The following LMTK2 variants were observed in gnomAD, a reference collection of about 807,000 sequenced individuals.
The protein encoded by LMTK2 is lemur tail kinase 2.
LMTK2 carries 37 observed loss-of-function variants against 127.5 expected under a neutral mutation model. The observed-to-expected ratio is 0.29, with a 90% CI of 0.22 to 0.38. The LOEUF is 0.38. LMTK2 is among the 10% of genes least tolerant of loss of function. The pLI is 1.00. For missense variants in LMTK2, 1,694 were observed against 1,920.3 expected, an observed-to-expected ratio of 0.88 and a Z score of 2.20; for synonymous variants, 819 against 810.1, an observed-to-expected ratio of 1.01 and a Z score of -0.19.
intron 7 of LMTK2, among the ~76,000 whole-genome samples, chr7:98,174,815 G>T (rs1274557220): frequency 2.0e-5 from 3 of 152,208 alleles, no homozygotes; most frequent in Non-Finnish European, 4.4e-5. Flanking sequence ...GTGAGAGGTA[G>T]AGAAATGCAT....
intron 1 of LMTK2, among the ~76,000 whole-genome samples, chr7:98,111,873 G>A (rs974234496): frequency 6.6e-6 from 1 of 152,222 alleles, no homozygotes; most frequent in Non-Finnish European, 1.5e-5. Context: ...TTAAGTCTAA[G>A]CTGGTATTGT....
At chr7:98,166,132 C>T (rs1401669294) in intron 6 of LMTK2, among the ~76,000 whole-genome samples, 1 of 152,248 alleles carries the variant, frequency 6.6e-6, no homozygotes, top group African/African-American at 2.4e-5. Context: ...CCCTTCCGGT[C>T]TTCCCTGGTG....
chr7:98,188,240 G>A (rs1797470372), intron 9 of LMTK2, among the ~76,000 whole-genome samples: 1 of 151,908 alleles, frequency 6.6e-6, no homozygotes, highest in South Asian at 2.1e-4. Context: ...GAGTGATGAG[G>A]TTTTCTTCCT....
At chr7:98,202,781 G>A (rs1162052706) in intron 11 of LMTK2, among the ~76,000 whole-genome samples, 1 of 152,150 alleles carries the variant, frequency 6.6e-6, no homozygotes, top group Non-Finnish European at 1.5e-5. Flanking sequence ...CAGCCCAGGA[G>A]CCCCCCAGCA....
intron 7 of LMTK2, among the ~76,000 whole-genome samples, chr7:98,179,387 A>G (rs1241858072): frequency 6.6e-6 from 1 of 152,152 alleles, no homozygotes; most frequent in Non-Finnish European, 1.5e-5. Flanking sequence ...TTCTGGTCTC[A>G]GGAGGGAGAT....
At chr7:98,188,601 C>T (rs1797474713) in intron 9 of LMTK2, among the ~76,000 whole-genome samples, 1 of 152,166 alleles carries the variant, frequency 6.6e-6, no homozygotes, top group African/African-American at 2.4e-5. Flanking sequence ...CCCAACCCTC[C>T]TTCATTTCCG....
At chr7:98,178,120 C>A (rs1293525428) in intron 7 of LMTK2, among the ~76,000 whole-genome samples, 1 of 152,106 alleles carries the variant, frequency 6.6e-6, no homozygotes, top group Non-Finnish European at 1.5e-5. Flanking sequence ...TCTTTAAAGC[C>A]CTGGAGTGCT....
chr7:98,192,742 A>G lies in LMTK2; in HGVS notation c.2277A>G (p.Leu759=). The G allele has an allele frequency of 6.2e-7, 1 of 1,613,436 alleles. No homozygotes were observed. Among genetic ancestry groups the G allele is most frequent in the South Asian group, 1.1e-5 (1 of 90,976 alleles). Residue 759 remains leucine (L), a synonymous_variant, in exon 11 of 14, where the codon TTA becomes TTG. Coordinates refer to ENST00000297293, the MANE Select transcript of LMTK2 (RefSeq NM_014916.4). ...ATGCTGGTTTTACTGAAGCTATGTT[A>G]GAAACGTCATGTAGAAACTCTTTAG... ...LKNAGFTEAM[L]ETSCRNSLDT...
At chr7:98,134,593 G>A (rs528581905) in intron 1 of LMTK2, among the ~76,000 whole-genome samples, 27 of 151,648 alleles carry the variant, frequency 1.8e-4, no homozygotes, top group Non-Finnish European at 3.1e-4. Flanking sequence ...AGTGGGTGGC[G>A]CACTTGAGCA....
At chr7:98,159,292 TATC>T (rs750223745) in intron 5 of LMTK2, 43 bp from the exon 6 acceptor site, 2 of 1,260,906 alleles carry the variant, frequency 1.6e-6, no homozygotes, top group South Asian at 1.4e-5. Flanking sequence ...ATAATGTTAT[TATC>T]ATGCTTCCTG....
At position 98,192,918 on chromosome 7, in the gene LMTK2, C is replaced by T. The variant is rs1438845544; in HGVS notation, c.2453C>T (p.Thr818Ile). 3.7e-6 allele frequency: 6 copies of T among 1,614,120 alleles called. No individual in the cohort carries two copies. The highest frequency in any genetic ancestry group is 1.6e-4 in the Middle Eastern group (1 of 6,062). The change falls in exon 11 of 14, where the codon ACC (threonine) becomes ATC (isoleucine). Residue 818 changes from threonine to isoleucine, a missense_variant. Transcript: ENST00000297293. ...QSSPEVQVPP[T>I]SFETEETPRR... ...TCCCCGGAAGTGCAGGTACCTCCTA[C>T]CTCCTTCGAAACAGAAGAAACGCCC...
chr7:98,107,582 C>A (rs1296094283), intron 1 of LMTK2, among the ~76,000 whole-genome samples: 4 of 152,228 alleles, frequency 2.6e-5, no homozygotes, highest in Non-Finnish European at 4.4e-5. Context: ...GCTTATATCG[C>A]TTCCTGGCAG....
At chr7:98,157,749 C>T (rs1347433235) in intron 5 of LMTK2, among the ~76,000 whole-genome samples, 3 of 151,810 alleles carry the variant, frequency 2.0e-5, no homozygotes, top group Non-Finnish European at 4.4e-5. Context: ...ACATACTATA[C>T]CAATTCCATT....
At chr7:98,152,349 C>T (rs1000888226) in intron 4 of LMTK2, among the ~76,000 whole-genome samples, 3 of 152,210 alleles carry the variant, frequency 2.0e-5, no homozygotes, top group Non-Finnish European at 4.4e-5. Flanking sequence ...AGGATGCTTA[C>T]AACAGGAGGA....
At chr7:98,174,115 AAAAAAAAG>A (rs1377778780) in intron 7 of LMTK2, among the ~76,000 whole-genome samples, 2 of 151,752 alleles carry the variant, frequency 1.3e-5, no homozygotes, top group African/African-American at 4.8e-5. Flanking sequence ...AAAAAAAAAA[AAAAAAAAG>A]AAAAAGTAAT....
rs533490879 is a variant in LMTK2 at position 98,207,757 on chromosome 7, A to G, written c.*2265A>G. 1 of 152,258 alleles carries G rather than the reference A, an allele frequency of 6.6e-6. No individual in the cohort carries two copies. Among genetic ancestry groups the G allele is most frequent in the Admixed American group, 6.5e-5 (1 of 15,298 alleles). 9.4% of individuals were successfully genotyped at this position (152,258 alleles called of 1,614,324 possible). A position where few individuals can be genotyped will look rare whatever the true frequency, so the allele number is the denominator to read the frequency against. Reference sequence around the variant, plus strand: ...CTTATACAGTGTCAGCCTCGAGTACATTTATTAACCTTTTGGGGCTGTCAG... The same window carrying G: ...CTTATACAGTGTCAGCCTCGAGTACGTTTATTAACCTTTTGGGGCTGTCAG... On this transcript the variant is annotated 3_prime_UTR_variant, in exon 14 of 14. Coordinates refer to ENST00000297293, the MANE Select transcript of LMTK2 (RefSeq NM_014916.4).
At chr7:98,170,767 CAAAA>C in intron 6 of LMTK2, among the ~76,000 whole-genome samples, 1 of 152,176 alleles carries the variant, frequency 6.6e-6, no homozygotes, top group East Asian at 1.9e-4. Flanking sequence ...GGTAAACTCC[CAAAA>C]ACATAGTATC....
chr7:98,182,715 C>T (rs902717401), intron 7 of LMTK2, among the ~76,000 whole-genome samples: 17 of 152,210 alleles, frequency 1.1e-4, no homozygotes, highest in Non-Finnish European at 2.5e-4. Context: ...CCATGTGATG[C>T]AGTGATGCCA....
intron 1 of LMTK2, among the ~76,000 whole-genome samples, chr7:98,127,907 C>T (rs1278847619): frequency 6.6e-6 from 1 of 152,162 alleles, no homozygotes; most frequent in African/African-American, 2.4e-5. Context: ...CTTTGGGAGG[C>T]CAAGGTGGGT....
Sources: allele counts gnomAD v4.1 joint callset (sites outside exome capture counted in the v4.1 genomes callset), GRCh38; gene constraint gnomAD v4.1.1; transcripts MANE v1.5; gene names NCBI Gene and HGNC (gene_info 2026-07-23, HGNC 2026-07-21).